Variants in ZBTB37 observed in about 807,000 individuals in gnomAD.
The protein encoded by ZBTB37 is zinc finger and BTB domain containing 37, also known as zinc finger and BTB domain-containing protein 37.
In ZBTB37, 15 loss-of-function variants were observed where a neutral mutation model predicts 37.7. The observed-to-expected ratio is 0.40, with a 90% CI of 0.27 to 0.61. The LOEUF (loss-of-function observed/expected upper bound fraction) is 0.61, where lower values mean the gene tolerates loss of function less well. ZBTB37 is among the 20% of genes least tolerant of loss of function. The pLI is 0.44. For missense variants in ZBTB37, 514 were observed against 641.9 expected, an observed-to-expected ratio of 0.80 and a Z score of 2.15; for synonymous variants, 231 against 220.6, an observed-to-expected ratio of 1.05 and a Z score of -0.42.
At chr1:173,872,424 G>A (rs1331958917) in intron 3 of ZBTB37, among the ~76,000 whole-genome samples, 2 of 152,036 alleles carry the variant, frequency 1.3e-5, no homozygotes, top group Non-Finnish European at 2.9e-5. Flanking sequence ...CCAGGTTAGA[G>A]TGCAGTGGTG....
At chr1:173,873,277 A>G (rs150261357) in intron 3 of ZBTB37, among the ~76,000 whole-genome samples, 190 bp from the exon 4 acceptor site, 1 of 152,310 alleles carries the variant, frequency 6.6e-6, no homozygotes, top group Admixed American at 6.5e-5. Flanking sequence ...GTGTTTATTA[A>G]ATTTACTAGG....
At chr1:173,870,044 A>T (rs1464729745) in intron 2 of ZBTB37, among the ~76,000 whole-genome samples, 156 bp from the exon 3 acceptor site, 1 of 152,218 alleles carries the variant, frequency 6.6e-6, no homozygotes, top group African/African-American at 2.4e-5. Context: ...CCTGTTGGTG[A>T]TTCTGTTTCC....
At position 173,873,396 on chromosome 1, in the gene ZBTB37, C is replaced by T. The variant is rs112436901; in HGVS notation, c.924-71C>T. The T allele has an allele frequency of 1.2e-4, 169 of 1,454,122 alleles. No individual in the cohort carries two copies. The Admixed American group carries it at 2.2e-3, about 19-fold the overall frequency. 90.1% of individuals were successfully genotyped at this position (1,454,122 alleles called of 1,614,324 possible). A position where few individuals can be genotyped will look rare whatever the true frequency, so the allele number is the denominator to read the frequency against. On this transcript the variant is annotated intron_variant, in intron 3 of 4. Transcript: ENST00000427304. Reference sequence around the variant, plus strand: ...TCCTCAGCCATAGAATAAAGAGGGGCGACATCACCATTTTTCAGGTTCTTT... The same window carrying T: ...TCCTCAGCCATAGAATAAAGAGGGGTGACATCACCATTTTTCAGGTTCTTT...
intron 4 of ZBTB37, 28 bp from the exon 5 acceptor site, chr1:173,885,608 T>C: frequency 6.6e-7 from 1 of 1,504,798 alleles, no homozygotes; most frequent in Non-Finnish European, 8.9e-7. Flanking sequence ...ATTTGTTCTT[T>C]CTTGGTTATT....
At chr1:173,871,784 A>G (rs1403744985) in intron 3 of ZBTB37, among the ~76,000 whole-genome samples, 1 of 151,994 alleles carries the variant, frequency 6.6e-6, no homozygotes, top group Non-Finnish European at 1.5e-5. Flanking sequence ...CAGTGCTGCT[A>G]TGCCCCATGC....
At chr1:173,882,580 T>C (rs890596820) in intron 4 of ZBTB37, among the ~76,000 whole-genome samples, 13 of 152,200 alleles carry the variant, frequency 8.5e-5, no homozygotes, top group Non-Finnish European at 1.2e-4. Context: ...CTCTTTAGTT[T>C]AATTAGATCC....
exon 4 of ZBTB37, chr1:173,902,944 T>C (rs1657326084): frequency 6.6e-6 from 1 of 152,252 alleles, no homozygotes; most frequent in Non-Finnish European, 1.5e-5. Context: ...CTGTCCTGAT[T>C]TTGGAAGTTT....
At chr1:173,872,471 C>G (rs994692280) in intron 3 of ZBTB37, among the ~76,000 whole-genome samples, 9 of 152,110 alleles carry the variant, frequency 5.9e-5, no homozygotes, top group African/African-American at 2.2e-4. Flanking sequence ...CTCTTGGGTT[C>G]AGGCGTTTCT....
chr1:173,886,485 G>A (rs1656630104), exon 5 of ZBTB37: 1 of 181,296 alleles, frequency 5.5e-6, no homozygotes, highest in Non-Finnish European at 1.2e-5. Context: ...TATCATCTTG[G>A]TGGCTATAAT....
intron 4 of ZBTB37, among the ~76,000 whole-genome samples, chr1:173,875,242 A>G (rs1473904388): frequency 6.7e-6 from 1 of 149,826 alleles, no homozygotes; most frequent in Non-Finnish European, 1.5e-5. Context: ...TACTATATAT[A>G]CTATGCGTAG....
chr1:173,902,485 A>G (rs1657302617), exon 4 of ZBTB37: 1 of 152,268 alleles, frequency 6.6e-6, no homozygotes, highest in South Asian at 2.1e-4. Context: ...CAGTTACTCC[A>G]TTAATAGTAA....
chr1:173,886,145 T>A (rs1261753600), exon 5 of ZBTB37: 1 of 1,541,498 alleles, frequency 6.5e-7, no homozygotes, highest in South Asian at 1.2e-5. Flanking sequence ...GGGAGGGGGC[T>A]GACCCTCTTC....
At chr1:173,893,337 A>C (rs930027029) in exon 4 of ZBTB37, 3 of 152,390 alleles carry the variant, frequency 2.0e-5, no homozygotes, top group Admixed American at 1.3e-4. Flanking sequence ...TTCCTCTTCT[A>C]TGAAATCACC....
chr1:173,898,584 A>G (rs943590423), exon 4 of ZBTB37: 12 of 151,914 alleles, frequency 7.9e-5, no homozygotes, highest in African/African-American at 2.4e-4. Context: ...GACCTCTTTT[A>G]CTTCTAATCT....
At chr1:173,876,808 A>G (rs1261335576) in intron 4 of ZBTB37, among the ~76,000 whole-genome samples, 3 of 152,122 alleles carry the variant, frequency 2.0e-5, no homozygotes, top group African/African-American at 4.8e-5. Context: ...AATGCAGAGG[A>G]GGCTGTTGAG....
In ZBTB37 at chr1:173,878,035, A is replaced by T. The variant is rs147954979; in HGVS notation, c.1023+4469A>T. ...CTTTTCCCACCACTCATCAGCATTC[A>T]CTGTCTCAAACAGATAGACTCTCCC... On this transcript the variant is annotated intron_variant, in intron 4 of 4. Transcript: ENST00000427304. Among the ~76,000 whole-genome samples the T allele has an allele frequency of 3.7e-4, 57 of 152,278 alleles. No homozygotes were observed. In the East Asian group the frequency reaches 0.01, roughly 27 times the overall value.
chr1:173,881,078 A>G (rs1318278241), intron 4 of ZBTB37, among the ~76,000 whole-genome samples: 1 of 151,744 alleles, frequency 6.6e-6, no homozygotes, highest in African/African-American at 2.4e-5. Context: ...TACATTAGGT[A>G]TATCTCCTAA....
At chr1:173,881,880 C>G (rs1656330856) in intron 4 of ZBTB37, among the ~76,000 whole-genome samples, 1 of 151,990 alleles carries the variant, frequency 6.6e-6, no homozygotes, top group African/African-American at 2.4e-5. Flanking sequence ...CGGTGAAACC[C>G]TGTCTCTACT....
At chr1:173,889,750 C>T (rs572906470), downstream of ZBTB37, 4 of 152,254 alleles carry the variant, frequency 2.6e-5, no homozygotes, top group East Asian at 1.9e-4. Context: ...TTGCAAACTA[C>T]CCCATGCCAT....
Sources: allele counts gnomAD v4.1 joint callset (sites outside exome capture counted in the v4.1 genomes callset), GRCh38; gene constraint gnomAD v4.1.1; transcripts MANE v1.5; gene names NCBI Gene and HGNC (gene_info 2026-07-23, HGNC 2026-07-21).